The following GLCCI1 variants were observed in gnomAD, a reference collection of about 807,000 sequenced individuals.
The protein encoded by GLCCI1 is glucocorticoid-induced transcript 1 protein.
Under a neutral mutation model 52.2 loss-of-function variants are expected in GLCCI1, and 24 were observed. That is an observed-to-expected ratio of 0.46 (90% CI 0.33 to 0.65). GLCCI1 has a LOEUF of 0.65. Among genes scored for constraint, GLCCI1 ranks in the 30% least tolerant of loss-of-function variants. The pLI, the probability that GLCCI1 is intolerant of heterozygous loss-of-function variation, is 0.02. For synonymous variants in GLCCI1, 310 were observed against 276.5 expected (o/e 1.12, Z -1.20); for missense variants, 704 against 701.5 (o/e 1.00, Z -0.04).
chr7:8,071,126 A>T lies in GLCCI1; in HGVS notation c.1172A>T (p.Asp391Val), dbSNP rs1460986385. Residue 391 changes from aspartate to valine, a missense_variant, in exon 6 of 8, where the codon GAT becomes GTT. This residue lies in a region of GLCCI1 where 547 missense variants were observed against 524.8 expected (regional missense o/e 1.04). Coordinates refer to ENST00000223145, the MANE Select transcript of GLCCI1 (RefSeq NM_138426.4). ...ACAGAAGATTTGCTCTATGATCGTG[A>T]TAAAGGTAAGAATGGAATTGTCCAC... Reference protein sequence around the residue: ...CSTEDLLYDRDKDSGSSSPLP... With the variant: ...CSTEDLLYDRVKDSGSSSPLP... 6.2e-7 allele frequency: 1 copy of T among 1,613,356 alleles called. No individual in the cohort carries two copies. Among genetic ancestry groups the T allele is most frequent in the Admixed American group, 1.7e-5 (1 of 60,010 alleles).
At chr7:8,024,211 T>C (rs756545691) in intron 3 of GLCCI1, among the ~76,000 whole-genome samples, 65 of 152,210 alleles carry the variant, frequency 4.3e-4, no homozygotes, top group Non-Finnish European at 8.1e-4. Context: ...CTGTGGTGTC[T>C]GGACTGCATA....
At chr7:7,982,918 G>A (rs1583944649) in intron 1 of GLCCI1, among the ~76,000 whole-genome samples, 2 of 152,202 alleles carry the variant, frequency 1.3e-5, no homozygotes. Context: ...TGTGCTATGA[G>A]TATCTTCATT....
Position 7,969,570 on chromosome 7 carries a change from C to A in GLCCI1, c.220C>A (p.Arg74=), listed in dbSNP as rs1044014359. The change falls in exon 1 of 8, where the codon CGG becomes AGG. Residue 74 remains arginine, a synonymous_variant. Coordinates refer to ENST00000223145, the MANE Select transcript of GLCCI1 (RefSeq NM_138426.4). This position sits in a 1 kb window ranked among gnomAD's most constrained non-coding sequence, Gnocchi z 4.9. ...IRATVPYQLL[R]GSQHSPTRPP... ...CGCCACGGTGCCCTACCAGCTCTTG[C>A]GGGGCAGCCAGCACAGTCCCACGCG... 2 of 1,011,160 alleles carry A rather than the reference C, an allele frequency of 2.0e-6. No individual in the cohort carries two copies. Among genetic ancestry groups the A allele is most frequent in the East Asian group, 1.1e-4 (1 of 9,426 alleles). The allele number at this position is 1,011,160 out of a possible 1,614,324, so 62.6% of individuals were successfully genotyped here. A position where few individuals can be genotyped will look rare whatever the true frequency, so the allele number is the denominator to read the frequency against.
chr7:8,020,661 G>A (rs1168350083), intron 2 of GLCCI1, among the ~76,000 whole-genome samples: 18 of 152,050 alleles, frequency 1.2e-4, no homozygotes, highest in Non-Finnish European at 2.4e-4. Context: ...TATAAATGTT[G>A]ATTTTGAATA....
chr7:8,044,573 G>A (rs981449072), intron 3 of GLCCI1, among the ~76,000 whole-genome samples: 1 of 152,062 alleles, frequency 6.6e-6, no homozygotes, highest in Admixed American at 6.5e-5. Flanking sequence ...TTTTCGGCAT[G>A]TTGCCCAGGC....
intron 3 of GLCCI1, among the ~76,000 whole-genome samples, chr7:8,034,777 C>G (rs73242173): frequency 4.3e-4 from 66 of 152,272 alleles, no homozygotes; most frequent in African/African-American, 1.5e-3. Context: ...AAGGGACTTG[C>G]TATTTTGTTG....
At chr7:8,079,175 AT>A (rs1377332025) in intron 6 of GLCCI1, among the ~76,000 whole-genome samples, 3 of 151,342 alleles carry the variant, frequency 2.0e-5, no homozygotes, top group East Asian at 2.0e-4. Context: ...TAATGCACTG[AT>A]TTTTTTTCCC....
chr7:8,063,460 T>C (rs1003729080), intron 5 of GLCCI1, among the ~76,000 whole-genome samples: 3 of 151,960 alleles, frequency 2.0e-5, no homozygotes, highest in African/African-American at 7.3e-5. Flanking sequence ...TTTTGACTTT[T>C]TAATAACCGT....
intron 6 of GLCCI1, among the ~76,000 whole-genome samples, chr7:8,079,808 C>T (rs981887599): frequency 1.3e-5 from 2 of 151,098 alleles, no homozygotes; most frequent in African/African-American, 2.5e-5. Context: ...AGTTGAGTCC[C>T]GGTTATTAAA....
chr7:8,061,276 A>G (rs1782508750), intron 5 of GLCCI1, among the ~76,000 whole-genome samples: 1 of 151,420 alleles, frequency 6.6e-6, no homozygotes, highest in Non-Finnish European at 1.5e-5. Context: ...ATTTTTTTGT[A>G]TTTTTAGTAG....
At chr7:8,070,832 A>G in intron 5 of GLCCI1, 89 bp from the exon 6 acceptor site, 1 of 1,161,560 alleles carries the variant, frequency 8.6e-7, no homozygotes, top group Non-Finnish European at 1.3e-6. Flanking sequence ...GTAGTGGTGG[A>G]ATATGAAATC....
chr7:7,985,734 AATC>A (rs1780713199), intron 1 of GLCCI1, among the ~76,000 whole-genome samples: 1 of 152,186 alleles, frequency 6.6e-6, no homozygotes, highest in South Asian at 2.1e-4. Flanking sequence ...TTTGGAGAAA[AATC>A]AATCCGTTTA....
intron 1 of GLCCI1, among the ~76,000 whole-genome samples, chr7:7,988,849 T>C (rs1046476278): frequency 6.6e-6 from 1 of 152,224 alleles, no homozygotes; most frequent in Admixed American, 6.5e-5. Context: ...CTGTAATTTC[T>C]GGCCCCCTTT....
chr7:8,079,774 A>G (rs1468950570), intron 6 of GLCCI1, among the ~76,000 whole-genome samples: 2 of 151,546 alleles, frequency 1.3e-5, no homozygotes, highest in South Asian at 2.1e-4. Context: ...TAATAAATAT[A>G]TAATTAATGG....
intron 6 of GLCCI1, among the ~76,000 whole-genome samples, chr7:8,077,956 C>T (rs115798154): frequency 3.0e-3 from 454 of 152,118 alleles, no homozygotes; most frequent in African/African-American, 9.7e-3. Flanking sequence ...CTATTTAGGC[C>T]GGGCGCGGTG....
intron 3 of GLCCI1, among the ~76,000 whole-genome samples, chr7:8,042,880 C>T (rs71533385): frequency 0.021 from 3,199 of 152,178 alleles, 55 homozygotes; most frequent in East Asian, 0.09. Context: ...TAAAAGAAGT[C>T]CTGCGAGTAA....
chr7:8,009,746 G>T (rs1197927731), intron 2 of GLCCI1, among the ~76,000 whole-genome samples: 1 of 152,180 alleles, frequency 6.6e-6, no homozygotes, highest in East Asian at 1.9e-4. Flanking sequence ...TTTGGAGATT[G>T]TGTAGTTACT....
At position 8,084,993 on chromosome 7, in the gene GLCCI1, G is replaced by A. The variant is rs1280858437; in HGVS notation, c.1274G>A (p.Arg425Gln). Reference sequence around the variant, plus strand: ...CGGGAGCCCCCAGAGGGATGTGAGCGAGTGAAGGTCTTTGAGGAAATGGCG... The same window carrying A: ...CGGGAGCCCCCAGAGGGATGTGAGCAAGTGAAGGTCTTTGAGGAAATGGCG... ...FKREPPEGCERVKVFEEMASR... is the reference protein window; with the variant it reads ...FKREPPEGCEQVKVFEEMASR... The change falls in exon 7 of 8, where the codon CGA (arginine) becomes CAA (glutamine). Residue 425 changes from arginine (R) to glutamine (Q), a missense_variant. This residue lies in a region of GLCCI1 where 149 missense variants were observed against 152.9 expected (regional missense o/e 0.97). Transcript: ENST00000223145. 8 of 1,614,008 alleles carry A rather than the reference G, an allele frequency of 5.0e-6. No individual in the cohort carries two copies. Among genetic ancestry groups the A allele is most frequent in the South Asian group, 1.1e-5 (1 of 91,068 alleles).
intron 1 of GLCCI1, among the ~76,000 whole-genome samples, chr7:7,997,995 T>C (rs1780969602): frequency 6.6e-6 from 1 of 151,664 alleles, no homozygotes; most frequent in Non-Finnish European, 1.5e-5. Flanking sequence ...TAGAATATTA[T>C]AGCTAGTTTA....
Sources: allele counts gnomAD v4.1 joint callset (sites outside exome capture counted in the v4.1 genomes callset), GRCh38; gene constraint gnomAD v4.1.1; regional missense constraint gnomAD v4.1.1; non-coding constraint Gnocchi (gnomAD v3.1); transcripts MANE v1.5; gene names NCBI Gene and HGNC (gene_info 2026-07-23, HGNC 2026-07-21).